LIN52: variants seen among roughly 807,000 people sequenced by gnomAD.
LIN52 encodes the protein lin-52 DREAM MuvB core complex component.
In LIN52, 4 loss-of-function variants were observed where a neutral mutation model predicts 18.5. That is an observed-to-expected ratio of 0.22 (90% CI 0.11 to 0.49). The LOEUF (loss-of-function observed/expected upper bound fraction) is 0.49, where lower values mean the gene tolerates loss of function less well. Among genes scored for constraint, LIN52 ranks in the 20% least tolerant of loss-of-function variants. The pLI is 0.97. For missense variants in LIN52, 102 were observed against 139.5 expected (o/e 0.73, Z 1.35); for synonymous variants, 34 against 45.5 (o/e 0.75, Z 1.02).
In LIN52 at chr14:74,182,367, A is replaced by G. The variant is rs376230951; in HGVS notation, c.284-16555A>G. On this transcript the variant is annotated intron_variant, in intron 5 of 5. Transcript: ENST00000555028. ...AAATTATCTTTAAAAGTATTTTCAC[A>G]TTGATGAATTTATTGTTCAGTCAGG... is the stretch of plus-strand genomic sequence containing the variant. Among the ~76,000 whole-genome samples, 8 of 152,314 alleles carry G rather than the reference A, an allele frequency of 5.3e-5. No individual in the cohort carries two copies. In the South Asian group the frequency reaches 8.3e-4, roughly 16 times the overall value.
intron 4 of LIN52, 130 bp from the exon 5 acceptor site, chr14:74,101,025 G>A (rs964986157): frequency 5.6e-6 from 4 of 716,824 alleles, no homozygotes; most frequent in East Asian, 2.8e-5. Context: ...GAGGAGTTAC[G>A]GATCCATTTT....
intron 5 of LIN52, among the ~76,000 whole-genome samples, chr14:74,166,598 A>C (rs1235193188): frequency 6.6e-6 from 1 of 152,188 alleles, no homozygotes; most frequent in Non-Finnish European, 1.5e-5. Context: ...CAAAATATAT[A>C]ATTCATTTTC....
chr14:74,152,191 A>C (rs2061179299), intron 5 of LIN52, among the ~76,000 whole-genome samples: 1 of 151,014 alleles, frequency 6.6e-6, no homozygotes, highest in South Asian at 2.1e-4. Flanking sequence ...TGAACCCAGG[A>C]GGCGGAGGCT....
At chr14:74,116,866 G>A in intron 5 of LIN52, among the ~76,000 whole-genome samples, 1 of 144,144 alleles carries the variant, frequency 6.9e-6, no homozygotes, top group African/African-American at 2.6e-5. Context: ...CATGGACATA[G>A]ACAAATGGCT....
rs1201255969 is a variant in LIN52 at position 74,161,576 on chromosome 14, G to T, written c.284-37346G>T. ...AAAGAAGAGTCAACGGTGTACAGAG[G>T]TAGCAGAAAGCTGCTAACCCCTAGG... On this transcript the variant is annotated intron_variant, in intron 5 of 5. Transcript: ENST00000555028. Among the ~76,000 whole-genome samples, 4 of 152,260 alleles carry T rather than the reference G, an allele frequency of 2.6e-5. No homozygotes were observed. The East Asian group carries it at 7.7e-4, about 29-fold the overall frequency.
intron 5 of LIN52, among the ~76,000 whole-genome samples, chr14:74,179,070 C>G (rs761210323): frequency 2.0e-5 from 3 of 151,970 alleles, no homozygotes; most frequent in African/African-American, 7.2e-5. Flanking sequence ...CAGAATGAGA[C>G]CCTGTCTCAA....
intron 5 of LIN52, among the ~76,000 whole-genome samples, chr14:74,150,209 T>C (rs932965974): frequency 6.6e-6 from 1 of 152,108 alleles, no homozygotes; most frequent in Non-Finnish European, 1.5e-5. Flanking sequence ...TAAAGATACA[T>C]ACAAAAATGT....
intron 5 of LIN52, among the ~76,000 whole-genome samples, chr14:74,162,500 G>C (rs1335416665): frequency 1.5e-5 from 2 of 133,634 alleles, no homozygotes; most frequent in African/African-American, 5.5e-5. Context: ...AAAAAAGATT[G>C]CTCTCCCACC....
intron 5 of LIN52, among the ~76,000 whole-genome samples, chr14:74,146,473 A>C (rs1314540579): frequency 6.6e-6 from 1 of 152,166 alleles, no homozygotes; most frequent in Admixed American, 6.6e-5. Flanking sequence ...TTGCTCTTCC[A>C]GTGTGTGCTG....
chr14:74,186,397 T>TGCTTG (rs1390122055), intron 5 of LIN52, among the ~76,000 whole-genome samples: 1 of 152,194 alleles, frequency 6.6e-6, no homozygotes, highest in Admixed American at 6.5e-5. Flanking sequence ...ACCTACCATA[T>TGCTTG]GCTTGGTATT....
intron 5 of LIN52, among the ~76,000 whole-genome samples, chr14:74,141,072 G>A (rs1440916698): frequency 1.3e-5 from 2 of 152,084 alleles, no homozygotes. Flanking sequence ...GTTTCTGGAG[G>A]AAACCACTGT....
intron 5 of LIN52, chr14:74,113,981 CT>C: frequency 1.2e-5 from 2 of 168,650 alleles, no homozygotes; most frequent in Non-Finnish European, 2.3e-5. Context: ...TTTTTTTTTT[CT>C]TTTCTTTTCT....
chr14:74,154,125 T>C (rs2061188188), intron 5 of LIN52, among the ~76,000 whole-genome samples: 1 of 152,150 alleles, frequency 6.6e-6, no homozygotes, highest in African/African-American at 2.4e-5. Flanking sequence ...TTAATGTTTT[T>C]TTTTTTCTGT....
At chr14:74,142,293 A>G (rs1384377636) in intron 5 of LIN52, among the ~76,000 whole-genome samples, 1 of 152,214 alleles carries the variant, frequency 6.6e-6, no homozygotes, top group East Asian at 1.9e-4. Context: ...AAATTGCAAA[A>G]TGCAAACTAG....
chr14:74,189,615 G>T (rs940595680), intron 5 of LIN52, among the ~76,000 whole-genome samples: 1 of 152,182 alleles, frequency 6.6e-6, no homozygotes, highest in East Asian at 1.9e-4. Context: ...TTAAAAGAGG[G>T]CAGAGCAAGG....
intron 5 of LIN52, among the ~76,000 whole-genome samples, chr14:74,135,434 G>A (rs982260560): frequency 1.4e-4 from 22 of 152,160 alleles, no homozygotes; most frequent in Non-Finnish European, 2.5e-4. Context: ...TGCATGATAA[G>A]CATCAACCTA....
At chr14:74,123,191 G>T (rs904582405) in intron 5 of LIN52, among the ~76,000 whole-genome samples, 4 of 152,218 alleles carry the variant, frequency 2.6e-5, no homozygotes, top group African/African-American at 4.8e-5. Context: ...AGGTAGATTG[G>T]TGAGGAATGA....
At chr14:74,173,006 A>G (rs185674679) in intron 5 of LIN52, among the ~76,000 whole-genome samples, 15 of 152,280 alleles carry the variant, frequency 9.9e-5, no homozygotes, top group Admixed American at 2.6e-4. Flanking sequence ...AAAAAAAGAA[A>G]CTATCAATAT....
At chr14:74,135,812 A>C (rs1384989241) in intron 5 of LIN52, among the ~76,000 whole-genome samples, 1 of 124,622 alleles carries the variant, frequency 8.0e-6, no homozygotes, top group Non-Finnish European at 1.7e-5. Flanking sequence ...CTCCTTTAGA[A>C]CAGGGAGTTT....
Sources: allele counts gnomAD v4.1 joint callset (sites outside exome capture counted in the v4.1 genomes callset), GRCh38; gene constraint gnomAD v4.1.1; transcripts MANE v1.5; gene names NCBI Gene and HGNC (gene_info 2026-07-23, HGNC 2026-07-21).